Variants in CNTN4 observed in about 807,000 individuals in gnomAD.
The protein encoded by CNTN4 is contactin 4, also known as contactin-4.
A neutral mutation model predicts 122.5 loss-of-function variants in CNTN4; 77 were observed. The ratio of observed to expected loss-of-function variants is 0.63; its 90% CI spans 0.52 to 0.76. The LOEUF (loss-of-function observed/expected upper bound fraction) is 0.76. Among genes scored for constraint, CNTN4 ranks in the 30% least tolerant of loss-of-function variants. The pLI is 0.00. For missense variants in CNTN4, 1,256 were observed against 1,259.1 expected (o/e 1.00, Z 0.04); for synonymous variants, 512 against 447.0 (o/e 1.15, Z -1.83).
At chr3:2,643,367 T>G (rs1211764354) in intron 4 of CNTN4, among the ~76,000 whole-genome samples, 1 of 151,902 alleles carries the variant, frequency 6.6e-6, no homozygotes, top group African/African-American at 2.4e-5. Context: ...AGAGGTGGAG[T>G]TTCATCATGT....
chr3:2,622,156 C>T (rs1201470461), intron 4 of CNTN4, among the ~76,000 whole-genome samples: 1 of 152,082 alleles, frequency 6.6e-6, no homozygotes, highest in African/African-American at 2.4e-5. Context: ...CTAGATTCTG[C>T]GTTTGGTTAT....
At chr3:2,376,332 G>A (rs2045815072) in intron 3 of CNTN4, among the ~76,000 whole-genome samples, 1 of 152,090 alleles carries the variant, frequency 6.6e-6, no homozygotes, top group Non-Finnish European at 1.5e-5. Context: ...AACGTTCCTA[G>A]TAAGTGCACA....
At chr3:2,121,550 C>T (rs2033785029) in intron 2 of CNTN4, among the ~76,000 whole-genome samples, 1 of 151,726 alleles carries the variant, frequency 6.6e-6, no homozygotes, top group Non-Finnish European at 1.5e-5. Flanking sequence ...ATCCTCCAGT[C>T]CTATAGAATT....
chr3:2,707,678 C>G (rs898173041), intron 4 of CNTN4, among the ~76,000 whole-genome samples: 10 of 151,942 alleles, frequency 6.6e-5, no homozygotes, highest in Admixed American at 2.0e-4. Flanking sequence ...GGGTCATGCT[C>G]TGTTACCCAG....
chr3:2,720,589 G>T (rs1417027331), intron 4 of CNTN4, among the ~76,000 whole-genome samples: 4 of 152,126 alleles, frequency 2.6e-5, no homozygotes, highest in Non-Finnish European at 5.9e-5. Flanking sequence ...TGTTCAAAAA[G>T]ATCTTATTCC....
At chr3:2,263,090 C>T (rs2040902850) in intron 2 of CNTN4, among the ~76,000 whole-genome samples, 2 of 152,040 alleles carry the variant, frequency 1.3e-5, no homozygotes, top group South Asian at 2.1e-4. Flanking sequence ...CTGGAAGATA[C>T]GATACAGTCC....
chr3:2,374,189 G>A (rs1478593261), intron 3 of CNTN4, among the ~76,000 whole-genome samples: 1 of 152,102 alleles, frequency 6.6e-6, no homozygotes, highest in African/African-American at 2.4e-5. Flanking sequence ...ATTTACCATT[G>A]TCTGTCCATA....
chr3:2,715,775 G>C (rs1232190730), intron 4 of CNTN4, among the ~76,000 whole-genome samples: 1 of 152,100 alleles, frequency 6.6e-6, no homozygotes, highest in Admixed American at 6.6e-5. Flanking sequence ...GAGCTCTTTG[G>C]TATCTCCTTT....
At chr3:2,119,499 C>T (rs2033582542) in intron 2 of CNTN4, among the ~76,000 whole-genome samples, 2 of 152,226 alleles carry the variant, frequency 1.3e-5, no homozygotes, top group Non-Finnish European at 2.9e-5. Context: ...ATACCAAATA[C>T]TGCCATCTCC....
chr3:2,615,642 A>G (rs1163727425), intron 4 of CNTN4, among the ~76,000 whole-genome samples: 2 of 152,176 alleles, frequency 1.3e-5, no homozygotes, highest in Non-Finnish European at 2.9e-5. Context: ...CCTAAAGTAT[A>G]CTTGTTTCAA....
intron 4 of CNTN4, among the ~76,000 whole-genome samples, chr3:2,633,560 G>A (rs953439997): frequency 6.6e-6 from 1 of 152,192 alleles, no homozygotes; most frequent in African/African-American, 2.4e-5. Flanking sequence ...TGAAAATGCA[G>A]TAGATCTTTT....
chr3:2,573,139 G>A (rs1349674540), intron 4 of CNTN4, among the ~76,000 whole-genome samples: 1 of 152,198 alleles, frequency 6.6e-6, no homozygotes, highest in African/African-American at 2.4e-5. Flanking sequence ...TGTTCATAGC[G>A]TATGGTCTTT....
chr3:2,410,760 G>T (rs144323710), intron 3 of CNTN4, among the ~76,000 whole-genome samples: 2 of 152,146 alleles, frequency 1.3e-5, no homozygotes, highest in Non-Finnish European at 2.9e-5. Flanking sequence ...TCAAAGACTA[G>T]ATGAGCTCAT....
intron 4 of CNTN4, among the ~76,000 whole-genome samples, chr3:2,692,156 T>G (rs1272277502): frequency 6.6e-6 from 1 of 152,224 alleles, no homozygotes; most frequent in Non-Finnish European, 1.5e-5. Flanking sequence ...GCTATGCAAC[T>G]GGCAATTCTA....
intron 2 of CNTN4, among the ~76,000 whole-genome samples, chr3:2,264,891 G>A (rs530928102): frequency 2.0e-5 from 3 of 152,080 alleles, no homozygotes; most frequent in South Asian, 2.1e-4. Context: ...GGTTTTGGGG[G>A]AACAGGTGGT....
At chr3:2,243,917 A>G (rs2040040008) in intron 2 of CNTN4, among the ~76,000 whole-genome samples, 1 of 152,104 alleles carries the variant, frequency 6.6e-6, no homozygotes, top group Admixed American at 6.6e-5. Flanking sequence ...AGCTGAAAGC[A>G]ATGTAAAAAC....
intron 4 of CNTN4, among the ~76,000 whole-genome samples, chr3:2,635,938 A>G (rs1172938836): frequency 1.3e-5 from 2 of 152,142 alleles, no homozygotes; most frequent in South Asian, 2.1e-4. Flanking sequence ...CTAACCGAGC[A>G]CCTGCTTCCT....
At chr3:2,248,180 C>G (rs1212168422) in intron 2 of CNTN4, among the ~76,000 whole-genome samples, 2 of 151,944 alleles carry the variant, frequency 1.3e-5, no homozygotes, top group Non-Finnish European at 2.9e-5. Flanking sequence ...ATCATTAGCT[C>G]TATGAATAAA....
chr3:2,309,187 T>C (rs1200507829), intron 2 of CNTN4, among the ~76,000 whole-genome samples: 1 of 152,160 alleles, frequency 6.6e-6, no homozygotes, highest in African/African-American at 2.4e-5. Flanking sequence ...TACTGGCAGA[T>C]TGACCCTTTT....
Sources: gnomAD v4.1 joint callset for allele counts (sites outside exome capture counted in the v4.1 genomes callset) on GRCh38, gnomAD v4.1.1 for gene constraint, MANE v1.5 for transcripts, NCBI Gene and HGNC (gene_info 2026-07-23, HGNC 2026-07-21) for gene names.